Variants in OPTC observed in about 807,000 individuals in gnomAD.
The protein encoded by OPTC is opticin, also known as oculoglycan.
Under a neutral mutation model 25.4 loss-of-function variants are expected in OPTC, and 22 were observed. The observed-to-expected ratio is 0.87, with a 90% CI of 0.62 to 1.24. The LOEUF (loss-of-function observed/expected upper bound fraction) is 1.24. Ranked by LOEUF, OPTC falls within the 50% of genes most tolerant of loss-of-function variation. The probability of loss-of-function intolerance (pLI) is 0.00; values close to 1 mark genes in which losing one functional copy is unlikely to be tolerated. For synonymous variants in OPTC, 169 were observed against 179.3 expected (o/e 0.94, Z 0.46); for missense variants, 417 against 425.2 (o/e 0.98, Z 0.17).
chr1:203,501,261 C>T (rs537045527), intron 5 of OPTC, among the ~76,000 whole-genome samples: 15 of 152,194 alleles, frequency 9.9e-5, no homozygotes, highest in African/African-American at 2.9e-4. Flanking sequence ...CCACCATGCC[C>T]GGCTAGTTTT....
intron 1 of OPTC, 66 bp from the exon 2 acceptor site, chr1:203,495,899 C>T (rs1235559538): frequency 1.3e-6 from 1 of 767,886 alleles, no homozygotes; most frequent in African/African-American, 1.7e-5. Flanking sequence ...ATCTGCGAGC[C>T]ATTCCCACAA....
chr1:203,507,517 C>T (rs971223438), intron 7 of OPTC, among the ~76,000 whole-genome samples: 2 of 152,244 alleles, frequency 1.3e-5, no homozygotes, highest in Non-Finnish European at 2.9e-5. Flanking sequence ...TTGGCAAGGG[C>T]ACTTGCTCTG....
intron 7 of OPTC, among the ~76,000 whole-genome samples, chr1:203,506,151 T>C (rs28668637): frequency 0.026 from 2,475 of 93,530 alleles, 91 homozygotes; most frequent in African/African-American, 0.073. Flanking sequence ...TTTTCTTTTT[T>C]CTTTTTTTTT....
At chr1:203,496,632 C>T (rs747655902) in intron 2 of OPTC, among the ~76,000 whole-genome samples, 1 of 152,152 alleles carries the variant, frequency 6.6e-6, no homozygotes, top group South Asian at 2.1e-4. Context: ...GCCCAGAAGC[C>T]CCTACTCAAT....
chr1:203,507,376 G>A (rs1348827128), intron 7 of OPTC, among the ~76,000 whole-genome samples: 4 of 152,148 alleles, frequency 2.6e-5, no homozygotes, highest in African/African-American at 9.7e-5. Flanking sequence ...AGCCAGGCAC[G>A]GCAGCTAGCT....
At chr1:203,501,470 T>A (rs1661390606) in intron 5 of OPTC, among the ~76,000 whole-genome samples, 1 of 152,178 alleles carries the variant, frequency 6.6e-6, no homozygotes, top group Admixed American at 6.5e-5. Context: ...ATGACACAAA[T>A]ATGCCCACTG....
chr1:203,496,247 C>G lies in OPTC; in HGVS notation c.231+11C>G, dbSNP rs562558699. ...GACCAACTCCCCGAGGTGAGGGACACAGCAGACCAACTACATTCCCTGCAT... is the reference window on the plus strand; with the variant it reads ...GACCAACTCCCCGAGGTGAGGGACAGAGCAGACCAACTACATTCCCTGCAT... On this transcript the variant is annotated intron_variant, in intron 2 of 7. Transcript: ENST00000367222. The G allele has an allele frequency of 6.3e-7, 1 of 1,591,436 alleles. No homozygotes were observed. Among genetic ancestry groups the G allele is most frequent in the East Asian group, 2.2e-5 (1 of 44,782 alleles).
At position 203,502,312 on chromosome 1, in the gene OPTC, C is replaced by T. The variant is rs368195756; in HGVS notation, c.733-602C>T. Among the ~76,000 whole-genome samples, 4 of 152,284 alleles carry T rather than the reference C, an allele frequency of 2.6e-5. No individual in the cohort carries two copies. In the East Asian group the frequency reaches 5.8e-4, roughly 22 times the overall value. On this transcript the variant is annotated intron_variant, in intron 5 of 7. Coordinates refer to ENST00000367222, the MANE Select transcript of OPTC (RefSeq NM_014359.4). ...GTTCTCATTCTGCTGGTCTGGCTGT[C>T]TCCCGAGTGTCTGCTCTGTACCTGC...
rs1491451878 is a variant in OPTC at position 203,500,082 on chromosome 1, CCA to C, written c.732+233_732+234del. Among the ~76,000 whole-genome samples the C allele has an allele frequency of 4.5e-5, 5 of 111,550 alleles. 1 individual carries two copies. Among genetic ancestry groups the C allele is most frequent in the Admixed American group, 1.8e-4 (2 of 11,420 alleles). The allele number at this position is 111,550 out of a possible 152,430, so 73.2% of individuals were successfully genotyped here. On this transcript the variant is annotated intron_variant, in intron 5 of 7. Coordinates refer to ENST00000367222, the MANE Select transcript of OPTC (RefSeq NM_014359.4). ...CCACCACCACCTCCACCTACCACCA[CCA>C]CCACCACCCACCTCCACCACCTACC...
chr1:203,501,408 A>G (rs1000867917), intron 5 of OPTC, among the ~76,000 whole-genome samples: 6 of 152,046 alleles, frequency 3.9e-5, no homozygotes, highest in Non-Finnish European at 5.9e-5. Context: ...TCCAAGAGAG[A>G]CTATTTGATT....
rs1661428063 is a variant in OPTC, at chr1:203,503,632, T to A, written c.911T>A (p.Ile304Asn). 6.2e-7 allele frequency: 1 copy of A among 1,613,426 alleles called. No individual in the cohort carries two copies. Among genetic ancestry groups the A allele is most frequent in the Admixed American group, 1.7e-5 (1 of 60,000 alleles). ...HKHTRRQLED[I>N]RLDGNPINLS... ...CACACCCGCAGGCAGCTGGAAGACA[T>A]CCGCCTGGATGGCAACCCCATCAAC... is the stretch of plus-strand genomic sequence containing the variant. The change falls in exon 7 of 8, where the codon ATC becomes AAC. Residue 304 changes from isoleucine to asparagine, a missense_variant. Ile to Asn is a moderately radical substitution (Grantham distance 149). Coordinates refer to ENST00000367222, the MANE Select transcript of OPTC (RefSeq NM_014359.4).
At chr1:203,506,146 T>TTTTTC (rs748771668) in intron 7 of OPTC, among the ~76,000 whole-genome samples, 2 of 92,326 alleles carry the variant, frequency 2.2e-5, no homozygotes, top group African/African-American at 7.4e-5. Context: ...TCCAATTTTC[T>TTTTTC]TTTTTCTTTT....
chr1:203,499,557 G>T, intron 4 of OPTC, 92 bp from the exon 5 acceptor site: 1 of 1,032,764 alleles, frequency 9.7e-7, no homozygotes, highest in Non-Finnish European at 1.5e-6. Flanking sequence ...ATCTTGAGAG[G>T]GATGGAGCAA....
rs1250960593 is a variant in OPTC, at chr1:203,496,157, T to G, written c.152T>G (p.Leu51Arg). The G allele has an allele frequency of 6.2e-7, 1 of 1,614,170 alleles. No homozygotes were observed. The highest frequency in any genetic ancestry group is 2.2e-5 in the East Asian group (1 of 44,874). Residue 51 changes from leucine to arginine, a missense_variant, in exon 2 of 8, where the codon CTG becomes CGG. By Grantham distance (102) the Leu-to-Arg change is moderately radical. Transcript: ENST00000367222. ...GTTCTGCCTCTGCGGAATGATGTCCTGAACCCAGACAACTATGGTGAAGTC... is the reference window on the plus strand; with the variant it reads ...GTTCTGCCTCTGCGGAATGATGTCCGGAACCCAGACAACTATGGTGAAGTC... ...FEVLPLRNDV[L>R]NPDNYGEVID...
At chr1:203,494,369 T>C (rs1661244865) in intron 1 of OPTC, among the ~76,000 whole-genome samples, 152 bp downstream of exon 1, 1 of 152,226 alleles carries the variant, frequency 6.6e-6, no homozygotes, top group Admixed American at 6.5e-5. Context: ...CTAAACTCTC[T>C]TAGAAAAATT....
intron 3 of OPTC, among the ~76,000 whole-genome samples, chr1:203,497,843 A>C (rs889208539): frequency 1.3e-5 from 2 of 152,172 alleles, no homozygotes; most frequent in Non-Finnish European, 2.9e-5. Context: ...TGAATCCACC[A>C]TTCAAAGCCT....
chr1:203,503,806 T>C, intron 7 of OPTC, 61 bp downstream of exon 7: 1 of 1,416,706 alleles, frequency 7.1e-7, no homozygotes, highest in Non-Finnish European at 9.8e-7. Context: ...CAATTCCTTA[T>C]CTTTAAACGG....
Position 203,496,042 on chromosome 1 carries a change from G to A in OPTC, c.37G>A (p.Val13Met). 3.1e-6 allele frequency: 5 copies of A among 1,613,836 alleles called. No homozygotes were observed. Among genetic ancestry groups the A allele is most frequent in the Non-Finnish European group, 2.5e-6 (3 of 1,179,922 alleles). The part of the protein sequence containing the change: ...LLAFLSLLAL[V>M]LQETGTASLP... ...GGCTTTCCTGAGTCTGCTGGCCTTG[G>A]TGCTGCAGGAGACAGGGACAGCTTC... is the stretch of plus-strand genomic sequence containing the variant. Residue 13 changes from valine to methionine, a missense_variant, in exon 2 of 8, where the codon GTG becomes ATG. Coordinates refer to ENST00000367222, the MANE Select transcript of OPTC (RefSeq NM_014359.4).
intron 4 of OPTC, among the ~76,000 whole-genome samples, chr1:203,499,177 A>G (rs1043441680): frequency 2.0e-5 from 3 of 152,080 alleles, no homozygotes; most frequent in African/African-American, 7.2e-5. Context: ...TCTACTCTCC[A>G]TGGCACTGAT....
Sources: gnomAD v4.1 joint callset for allele counts (sites outside exome capture counted in the v4.1 genomes callset) on GRCh38, gnomAD v4.1.1 for gene constraint, MANE v1.5 for transcripts, NCBI Gene and HGNC (gene_info 2026-07-23, HGNC 2026-07-21) for gene names.